The following STXBP5L variants were observed in gnomAD, a reference collection of about 807,000 sequenced individuals.
STXBP5L encodes the protein syntaxin-binding protein 5-like.
Under a neutral mutation model 144.5 loss-of-function variants are expected in STXBP5L, and 65 were observed. That is an observed-to-expected ratio of 0.45 (90% CI 0.37 to 0.55). The LOEUF is 0.55. Ranked by LOEUF, STXBP5L falls within the 20% of genes least tolerant of loss-of-function variation. The pLI, the probability that STXBP5L is intolerant of heterozygous loss-of-function variation, is 0.00. For synonymous variants in STXBP5L, 505 were observed against 469.6 expected, an observed-to-expected ratio of 1.08 and a Z score of -0.97; for missense variants, 1,298 against 1,405.5, an observed-to-expected ratio of 0.92 and a Z score of 1.22.
At chr3:121,182,985 G>C (rs2047220797) in intron 9 of STXBP5L, among the ~76,000 whole-genome samples, 1 of 152,204 alleles carries the variant, frequency 6.6e-6, no homozygotes, top group Non-Finnish European at 1.5e-5. Context: ...TTTCATACCA[G>C]TGATGCAGGG....
intron 19 of STXBP5L, among the ~76,000 whole-genome samples, chr3:121,306,570 G>C (rs1374665568): frequency 6.6e-6 from 1 of 152,120 alleles, no homozygotes; most frequent in East Asian, 1.9e-4. Flanking sequence ...CGTGAATAGA[G>C]AGCTTCAAAG....
intron 2 of STXBP5L, among the ~76,000 whole-genome samples, chr3:120,921,739 T>C (rs1212110680): frequency 6.6e-6 from 1 of 152,078 alleles, no homozygotes; most frequent in African/African-American, 2.4e-5. Flanking sequence ...CCCCACTGAA[T>C]GTTCTTGGTA....
At chr3:121,141,148 T>C (rs2045485424) in intron 7 of STXBP5L, among the ~76,000 whole-genome samples, 1 of 152,204 alleles carries the variant, frequency 6.6e-6, no homozygotes, top group South Asian at 2.1e-4. Flanking sequence ...CTTACACCTG[T>C]AATCCCAGCA....
intron 3 of STXBP5L, among the ~76,000 whole-genome samples, chr3:121,013,779 A>G (rs1286139225): frequency 6.6e-6 from 1 of 152,036 alleles, no homozygotes; most frequent in South Asian, 2.1e-4. Flanking sequence ...TTGAGATGTT[A>G]CATTTAAGTC....
chr3:121,160,479 C>T (rs2046282511), intron 9 of STXBP5L, among the ~76,000 whole-genome samples: 1 of 152,098 alleles, frequency 6.6e-6, no homozygotes. Context: ...TAGTGTCACA[C>T]TGTATTGCAT....
intron 22 of STXBP5L, among the ~76,000 whole-genome samples, chr3:121,387,960 G>A (rs1053255123): frequency 6.6e-6 from 1 of 152,138 alleles, no homozygotes; most frequent in African/African-American, 2.4e-5. Context: ...TAGCTTGATG[G>A]GGATGGCATT....
chr3:121,008,130 T>G (rs933640592), intron 3 of STXBP5L, among the ~76,000 whole-genome samples: 18 of 152,012 alleles, frequency 1.2e-4, no homozygotes, highest in Non-Finnish European at 2.4e-4. Context: ...TCAGAGTACT[T>G]GTTAAGCTGT....
chr3:121,258,930 C>A, intron 17 of STXBP5L, 113 bp from the exon 18 acceptor site: 1 of 1,039,834 alleles, frequency 9.6e-7, no homozygotes, highest in Non-Finnish European at 1.3e-6. Flanking sequence ...TGCATGCTGC[C>A]TGCAATGCCT....
chr3:121,092,115 G>A lies in STXBP5L; in HGVS notation c.471-22810G>A, dbSNP rs535102228. ...ATGCAGCGTTATTTCTGAGGGCTCT[G>A]TTCTATTGGTCTATATCTCTGTTTT... On this transcript the variant is annotated intron_variant, in intron 5 of 26. Coordinates refer to ENST00000471454, the MANE Select transcript of STXBP5L (RefSeq NM_001308330.2). Among the ~76,000 whole-genome samples, 14 of 152,138 alleles carry A rather than the reference G, an allele frequency of 9.2e-5. 1 individual carries two copies. The East Asian group carries it at 1.2e-3, about 13-fold the overall frequency.
chr3:121,102,986 A>T (rs2043506226), intron 5 of STXBP5L, among the ~76,000 whole-genome samples: 1 of 152,094 alleles, frequency 6.6e-6, no homozygotes. Context: ...AATGCAAATC[A>T]AAAACCACAA....
At chr3:121,173,227 T>G (rs575903711) in intron 9 of STXBP5L, among the ~76,000 whole-genome samples, 1 of 151,802 alleles carries the variant, frequency 6.6e-6, no homozygotes, top group East Asian at 1.9e-4. Context: ...ATACCTAAGG[T>G]AGATCACAGG....
intron 18 of STXBP5L, among the ~76,000 whole-genome samples, chr3:121,277,821 A>G (rs1348237084): frequency 1.3e-5 from 2 of 151,960 alleles, no homozygotes; most frequent in East Asian, 1.9e-4. Flanking sequence ...TGACACTCCT[A>G]TATCTGCTGT....
Position 121,222,424 on chromosome 3 carries a change from T to C in STXBP5L, c.957-579T>C, listed in dbSNP as rs886125775. On this transcript the variant is annotated intron_variant, in intron 10 of 26. Coordinates refer to ENST00000471454, the MANE Select transcript of STXBP5L (RefSeq NM_001308330.2). The stretch of plus-strand genomic sequence containing the variant: ...GCCACAAGTAAAATAGAAAAGGCAA[T>C]TTATCTTTGATTAGCTATCCTTCTC... Among the ~76,000 whole-genome samples, 3 of 152,128 alleles carry C rather than the reference T, an allele frequency of 2.0e-5. No homozygotes were observed. In the East Asian group the frequency reaches 5.8e-4, roughly 29 times the overall value.
chr3:121,209,777 G>A (rs536175362), intron 10 of STXBP5L, among the ~76,000 whole-genome samples: 2,504 of 152,080 alleles, frequency 0.016, 62 homozygotes, highest in African/African-American at 0.057. Context: ...CTTTTTCATG[G>A]CTGCATAGTA....
rs1312385622 is a variant in STXBP5L, at chr3:121,188,804, TATCTCCAAATA to T, written c.878-17116_878-17106del. On this transcript the variant is annotated intron_variant, in intron 9 of 26. Transcript: ENST00000471454. ...CAATAAACTAGGTATTGATGGAACA[TATCTCCAAATA>T]ATAAGAGCTATTTATGACAAACCCA... 7.9e-5 allele frequency among the ~76,000 whole-genome samples: 12 copies of T among 152,328 alleles called. No individual in the cohort carries two copies. The South Asian group carries it at 1.7e-3, about 21-fold the overall frequency.
intron 5 of STXBP5L, among the ~76,000 whole-genome samples, chr3:121,068,177 T>G (rs1352269436): frequency 6.6e-6 from 1 of 152,184 alleles, no homozygotes; most frequent in East Asian, 1.9e-4. Context: ...GCCCAGCTAA[T>G]TTTTGTCATT....
intron 19 of STXBP5L, among the ~76,000 whole-genome samples, chr3:121,308,262 A>T (rs913187864): frequency 1.8e-4 from 27 of 152,342 alleles, no homozygotes; most frequent in African/African-American, 4.3e-4. Flanking sequence ...AACTTAAAAT[A>T]AAATTAAATT....
At position 121,420,137 on chromosome 3, in the gene STXBP5L, C is replaced by T. The variant is rs1299603080; in HGVS notation, c.*1040C>T. On this transcript the variant is annotated 3_prime_UTR_variant, in exon 27 of 27. Transcript: ENST00000471454. Reference sequence around the variant, plus strand: ...TGCAGCCTGACATTCACAAACCAAACTGGTCATTCTCTTTAGTGTGATTCA... The same window carrying T: ...TGCAGCCTGACATTCACAAACCAAATTGGTCATTCTCTTTAGTGTGATTCA... 1.3e-5 allele frequency: 2 copies of T among 152,184 alleles called. No individual in the cohort carries two copies. Among genetic ancestry groups the T allele is most frequent in the Non-Finnish European group, 2.9e-5 (2 of 68,022 alleles). 9.4% of individuals were successfully genotyped at this position (152,184 alleles called of 1,614,324 possible).
At chr3:121,089,225 A>G (rs1330544847) in intron 5 of STXBP5L, among the ~76,000 whole-genome samples, 1 of 150,840 alleles carries the variant, frequency 6.6e-6, no homozygotes, top group Non-Finnish European at 1.5e-5. Flanking sequence ...GATTTTTAAA[A>G]GTTTCTTCTA....
Sources: gnomAD v4.1 joint callset for allele counts (sites outside exome capture counted in the v4.1 genomes callset) on GRCh38, gnomAD v4.1.1 for gene constraint, MANE v1.5 for transcripts, NCBI Gene and HGNC (gene_info 2026-07-23, HGNC 2026-07-21) for gene names.